The following KIAA1586 variants were observed in gnomAD, a reference collection of about 807,000 sequenced individuals.
The protein encoded by KIAA1586 is E3 SUMO-protein ligase KIAA1586.
In KIAA1586, 5 loss-of-function variants were observed where a neutral mutation model predicts 6.1. That is an observed-to-expected ratio of 0.82 (90% CI 0.43 to 1.73). The LOEUF (loss-of-function observed/expected upper bound fraction) is 1.73, where lower values mean the gene tolerates loss of function less well. Among genes scored for constraint, KIAA1586 ranks in the 40% most tolerant of loss-of-function variants. The pLI is 0.02. For missense variants in KIAA1586, 899 were observed against 878.2 expected (o/e 1.02, Z -0.30); for synonymous variants, 280 against 301.7 (o/e 0.93, Z 0.75).
chr6:57,066,493 T>C, the KIAA1586 span, among the ~76,000 whole-genome samples: 1 of 152,184 alleles, frequency 6.6e-6, no homozygotes, highest in African/African-American at 2.4e-5. Context: ...GATAGCTACA[T>C]AACAGTCTGA....
rs1195931613 is a variant in KIAA1586, at chr6:57,054,695, T to C, written c.2196T>C (p.Asp732=). The part of the protein sequence containing the change: ...RNSLTIDHVS[D]LMTINLLGKE... ...GTTTAACAATAGATCATGTATCAGA[T>C]TTAATGACAATAAATTTACTGGGGA... Residue 732 remains aspartate, a synonymous_variant, in exon 4 of 4, where the codon GAT becomes GAC. Transcript: ENST00000370733. 1.2e-5 allele frequency: 19 copies of C among 1,552,490 alleles called. No individual in the cohort carries two copies. The highest frequency in any genetic ancestry group is 2.7e-5 in the African/African-American group (2 of 73,042).
chr6:57,052,554 A>G, intron 3 of KIAA1586, 132 bp from the exon 4 acceptor site: 1 of 632,612 alleles, frequency 1.6e-6, no homozygotes, highest in East Asian at 3.1e-5. Context: ...TATTATAGAT[A>G]TAAACTGAAA....
the KIAA1586 span, among the ~76,000 whole-genome samples, chr6:57,064,873 C>G: frequency 6.6e-6 from 1 of 152,182 alleles, no homozygotes; most frequent in African/African-American, 2.4e-5. Flanking sequence ...GCACCTGCAT[C>G]TTCATGTGAG....
rs1828374138 is a variant in KIAA1586 at position 57,052,998 on chromosome 6, G to A, written c.499G>A (p.Val167Ile). 1.9e-6 allele frequency: 3 copies of A among 1,613,774 alleles called. No individual in the cohort carries two copies. The highest frequency in any genetic ancestry group is 2.7e-5 in the African/African-American group (2 of 74,904). Residue 167 changes from valine to isoleucine, a missense_variant, in exon 4 of 4, where the codon GTT (valine) becomes ATT (isoleucine). Transcript: ENST00000370733. Reference protein sequence around the residue: ...GKLGCKDCSAVRHLGSKAEKH... With the variant: ...GKLGCKDCSAIRHLGSKAEKH... ...ATTAGGATGTAAGGATTGTTCAGCAGTTCGGCATTTGGGATCGAAAGCAGA... is the reference window on the plus strand; with the variant it reads ...ATTAGGATGTAAGGATTGTTCAGCAATTCGGCATTTGGGATCGAAAGCAGA...
the KIAA1586 span, among the ~76,000 whole-genome samples, chr6:57,062,295 T>A: frequency 6.6e-6 from 1 of 152,236 alleles, no homozygotes; most frequent in East Asian, 1.9e-4. Context: ...TGTAATATCC[T>A]TTTCTGTAGA....
In KIAA1586 at chr6:57,053,109, C is replaced by T. The variant is rs61748913; in HGVS notation, c.610C>T (p.Arg204Ter). 1.2e-3 allele frequency: 1,945 copies of T among 1,605,896 alleles called. 21 individuals carry two copies. The African/African-American group carries it at 0.023, about 19-fold the overall frequency. The change falls in exon 4 of 4, where the codon CGA (arginine) becomes TGA (stop). Residue 204 changes from arginine (R) to a stop codon, truncating the protein, a stop_gained. Coordinates refer to ENST00000370733, the MANE Select transcript of KIAA1586 (RefSeq NM_020931.4). LOFTEE classifies it low-confidence loss of function (END_TRUNC). ...SNKTTRQASL[R>*]KKIREHDVSK... ...TAAAACTACTAGGCAAGCTTCTCTA[C>T]GAAAAAAAATTAGGGAACATGATGT... is the stretch of plus-strand genomic sequence containing the variant.
chr6:57,055,091 C>A lies in KIAA1586; in HGVS notation c.*228C>A. 5.7e-6 allele frequency: 2 copies of A among 351,146 alleles called. No homozygotes were observed. The highest frequency in any genetic ancestry group is 1.2e-4 in the South Asian group (2 of 16,282). The allele number at this position is 351,146 out of a possible 1,614,324, so 21.8% of individuals were successfully genotyped here. ...GTCATAATACATATTCCATGAAGTT[C>A]TGTACAGAACAAACACCGTTTATAA... On this transcript the variant is annotated 3_prime_UTR_variant, in exon 4 of 4. Transcript: ENST00000370733.
chr6:57,065,499 T>G, the KIAA1586 span, among the ~76,000 whole-genome samples: 1 of 151,912 alleles, frequency 6.6e-6, no homozygotes, highest in East Asian at 1.9e-4. Flanking sequence ...TTTGTTTTTT[T>G]TTTTTTTGAG....
chr6:57,065,219 AT>A, the KIAA1586 span, among the ~76,000 whole-genome samples: 4 of 152,014 alleles, frequency 2.6e-5, no homozygotes, highest in South Asian at 2.1e-4. Flanking sequence ...TTGAAAAAAA[AT>A]GGGGCAATTT....
At position 57,053,529 on chromosome 6, in the gene KIAA1586, C is replaced by T. The variant is rs752195329; in HGVS notation, c.1030C>T (p.Pro344Ser). The T allele has an allele frequency of 1.2e-6, 2 of 1,613,408 alleles. No homozygotes were observed. The highest frequency in any genetic ancestry group is 1.7e-6 in the Non-Finnish European group (2 of 1,179,748). ...LQCTIQSAPA[P>S]VMLFVALKEL... ...GTGCACAATTCAGTCAGCTCCTGCA[C>T]CTGTTATGTTATTTGTGGCTTTAAA... is the stretch of plus-strand genomic sequence containing the variant. The change falls in exon 4 of 4, where the codon CCT (proline) becomes TCT (serine). Residue 344 changes from proline to serine, a missense_variant. Pro to Ser is a moderately conservative substitution (Grantham distance 74). Transcript: ENST00000370733.
chr6:57,053,460 G>A lies in KIAA1586; in HGVS notation c.961G>A (p.Ala321Thr), dbSNP rs1296401247. 6 of 1,612,348 alleles carry A rather than the reference G, an allele frequency of 3.7e-6. No homozygotes were observed. Among genetic ancestry groups the A allele is most frequent in the Non-Finnish European group, 4.2e-6 (5 of 1,179,106 alleles). The change falls in exon 4 of 4, where the codon GCA becomes ACA. Residue 321 changes from alanine to threonine, a missense_variant. Physicochemically the swap from Ala to Thr is moderately conservative, Grantham distance 58. Coordinates refer to ENST00000370733, the MANE Select transcript of KIAA1586 (RefSeq NM_020931.4). ...NAKICIIIDE[A>T]STVSKKTTLV... ...CAAAATCTGTATCATAATTGATGAGGCATCTACAGTTTCAAAGAAAACCAC... is the reference window on the plus strand; with the variant it reads ...CAAAATCTGTATCATAATTGATGAGACATCTACAGTTTCAAAGAAAACCAC...
downstream of KIAA1586, among the ~76,000 whole-genome samples, chr6:57,059,276 A>G (rs1295315460): frequency 8.3e-6 from 1 of 119,784 alleles, no homozygotes; most frequent in East Asian, 2.3e-4. Context: ...TAAATAAAAT[A>G]ATCATTGTAT....
Position 57,054,921 on chromosome 6 carries a change from A to T in KIAA1586, c.*58A>T. On this transcript the variant is annotated 3_prime_UTR_variant, in exon 4 of 4. Coordinates refer to ENST00000370733, the MANE Select transcript of KIAA1586 (RefSeq NM_020931.4). ...TATGTACTACACATCCTTTATATACATAAAGGTCTTTTTTTTTTTTGGAAA... is the reference window on the plus strand; with the variant it reads ...TATGTACTACACATCCTTTATATACTTAAAGGTCTTTTTTTTTTTTGGAAA... 1 of 1,398,890 alleles carries T rather than the reference A, an allele frequency of 7.1e-7. No individual in the cohort carries two copies. Among genetic ancestry groups the T allele is most frequent in the Admixed American group, 3.0e-5 (1 of 33,392 alleles). The allele number at this position is 1,398,890 out of a possible 1,614,324, so 86.7% of individuals were successfully genotyped here.
At chr6:57,048,226 C>G (rs1828232996) in intron 2 of KIAA1586, among the ~76,000 whole-genome samples, 1 of 152,152 alleles carries the variant, frequency 6.6e-6, no homozygotes. Flanking sequence ...GTCCCCAACT[C>G]GTCTTTTGGA....
Position 57,053,431 on chromosome 6 carries a change from A to G in KIAA1586, c.932A>G (p.Asn311Ser), listed in dbSNP as rs780498497. ...ATATTTAAGAATATTATAGAAGAGAATGCCAAAATCTGTATCATAATTGAT... is the reference window on the plus strand; with the variant it reads ...ATATTTAAGAATATTATAGAAGAGAGTGCCAAAATCTGTATCATAATTGAT... ...MKIFKNIIEE[N>S]AKICIIIDEA... The change falls in exon 4 of 4, where the codon AAT becomes AGT. Residue 311 changes from asparagine to serine, a missense_variant. Coordinates refer to ENST00000370733, the MANE Select transcript of KIAA1586 (RefSeq NM_020931.4). The G allele has an allele frequency of 1.2e-6, 2 of 1,609,914 alleles. No homozygotes were observed. The highest frequency in any genetic ancestry group is 1.7e-6 in the Non-Finnish European group (2 of 1,178,042).
At chr6:57,056,110 G>A (rs1364531699), downstream of KIAA1586, among the ~76,000 whole-genome samples, 5 of 151,820 alleles carry the variant, frequency 3.3e-5, no homozygotes, top group Middle Eastern at 3.4e-3. Context: ...GTGCAATGGC[G>A]CAATCTTGGC....
At position 57,054,199 on chromosome 6, in the gene KIAA1586, T is replaced by A; in HGVS notation, c.1700T>A (p.Leu567Ter). The change falls in exon 4 of 4, where the codon TTA becomes TAA. Residue 567 changes from leucine to a stop codon, truncating the protein, a stop_gained. Transcript: ENST00000370733. LOFTEE classifies it low-confidence loss of function (END_TRUNC). ...CGTACCATAAGAGCTTTGGAAAATT[T>A]AAAAATTGGTACTGGAAAGTATGAA... The part of the protein sequence containing the change: ...IKRTIRALEN[L>*]KIGTGKYESQ... 1 of 1,591,954 alleles carries A rather than the reference T, an allele frequency of 6.3e-7. No individual in the cohort carries two copies. Among genetic ancestry groups the A allele is most frequent in the Non-Finnish European group, 8.5e-7 (1 of 1,172,686 alleles).
In KIAA1586 at chr6:57,053,993, A is replaced by C; in HGVS notation, c.1494A>C (p.Ala498=). Residue 498 remains alanine (A), a synonymous_variant, in exon 4 of 4, where the codon GCA becomes GCC. Coordinates refer to ENST00000370733, the MANE Select transcript of KIAA1586 (RefSeq NM_020931.4). ...AAGCTGCTACTGCTGTATGGCATGC[A>C]TATCCTATATTATATATGCATTTTT... The part of the protein sequence containing the change: ...SLQAATAVWH[A]YPILYMHFSH... 6.2e-7 allele frequency: 1 copy of C among 1,604,672 alleles called. No individual in the cohort carries two copies. Among genetic ancestry groups the C allele is most frequent in the Non-Finnish European group, 8.5e-7 (1 of 1,176,498 alleles).
At chr6:57,064,466 T>C in the KIAA1586 span, among the ~76,000 whole-genome samples, 7 of 152,270 alleles carry the variant, frequency 4.6e-5, no homozygotes, top group Non-Finnish European at 1.0e-4. Flanking sequence ...GTGGTAGATG[T>C]ATGGTCAGCA....
Sources: allele counts gnomAD v4.1 joint callset (sites outside exome capture counted in the v4.1 genomes callset), GRCh38; gene constraint gnomAD v4.1.1; transcripts MANE v1.5; gene names NCBI Gene and HGNC (gene_info 2026-07-23, HGNC 2026-07-21).